Variants in PSEN1 observed in about 807,000 individuals in gnomAD.
PSEN1 encodes the protein presenilin 1, also known as presenilin-1.
PSEN1 carries 15 observed loss-of-function variants against 53.5 expected under a neutral mutation model. The observed-to-expected ratio is 0.28, with a 90% CI of 0.19 to 0.43. The LOEUF is 0.43. PSEN1 is among the 20% of genes least tolerant of loss of function. The pLI, the probability that PSEN1 is intolerant of heterozygous loss-of-function variation, is 1.00. For missense variants in PSEN1, 387 were observed against 571.2 expected (o/e 0.68, Z 3.29); for synonymous variants, 208 against 209.8 (o/e 0.99, Z 0.08).
At position 73,148,043 on chromosome 14, in the gene PSEN1, G is replaced by A. The variant is rs758564824; in HGVS notation, c.24G>A (p.Leu8=). The change falls in exon 3 of 12, where the codon TTG becomes TTA. Residue 8 remains leucine, a synonymous_variant. Transcript: ENST00000324501. ...CAATGACAGAGTTACCTGCACCGTTGTCCTACTTCCAGAATGCACAGATGT... is the reference window on the plus strand; with the variant it reads ...CAATGACAGAGTTACCTGCACCGTTATCCTACTTCCAGAATGCACAGATGT... MTELPAP[L]SYFQNAQMSE... 1.2e-6 allele frequency: 2 copies of A among 1,613,776 alleles called. No homozygotes were observed. The highest frequency in any genetic ancestry group is 1.1e-5 in the South Asian group (1 of 91,074).
intron 3 of PSEN1, among the ~76,000 whole-genome samples, chr14:73,162,288 C>G (rs922684784): frequency 1.3e-5 from 2 of 151,948 alleles, no homozygotes; most frequent in Admixed American, 6.5e-5. Flanking sequence ...CCATATTTCT[C>G]CCATCAGATT....
At chr14:73,212,088 C>CTTTTTTTTTTTTTTTTTTGTTTTTTTTT (rs1899716704) in intron 10 of PSEN1, 146 bp downstream of exon 10, 1 of 66,914 alleles carries the variant, frequency 1.5e-5, no homozygotes. Flanking sequence ...AGTAATAGTG[C>CTTTTTTTTTTTTTTTTTTGTTTTTTTTT]TTTTTTTTTT....
chr14:73,212,088 C>CTTTTTTTTTTTTGTTTTTTT (rs1899716408), intron 10 of PSEN1, 146 bp downstream of exon 10: 1 of 66,914 alleles, frequency 1.5e-5, no homozygotes, highest in African/African-American at 7.4e-5. Flanking sequence ...AGTAATAGTG[C>CTTTTTTTTTTTTGTTTTTTT]TTTTTTTTTT....
At chr14:73,186,273 G>C (rs1291672415) in intron 5 of PSEN1, among the ~76,000 whole-genome samples, 1 of 152,098 alleles carries the variant, frequency 6.6e-6, no homozygotes, top group Non-Finnish European at 1.5e-5. Context: ...CAGCTACTTG[G>C]GGGGCTGAGG....
intron 5 of PSEN1, among the ~76,000 whole-genome samples, chr14:73,175,748 T>C (rs1197762910): frequency 2.0e-5 from 3 of 152,230 alleles, no homozygotes; most frequent in African/African-American, 7.2e-5. Flanking sequence ...AACAGTAATA[T>C]CTGTCTTTAT....
chr14:73,164,093 A>G (rs2096375222), intron 3 of PSEN1, among the ~76,000 whole-genome samples: 1 of 152,166 alleles, frequency 6.6e-6, no homozygotes, highest in African/African-American at 2.4e-5. Flanking sequence ...GATCCAGGAG[A>G]TGTTTTGGAG....
At chr14:73,185,360 T>A (rs1324850695) in intron 5 of PSEN1, among the ~76,000 whole-genome samples, 4 of 152,160 alleles carry the variant, frequency 2.6e-5, no homozygotes, top group Non-Finnish European at 4.4e-5. Context: ...TCCCGGCACC[T>A]CGGGAGGCCG....
rs1265643221 is a variant in PSEN1, at chr14:73,198,038, G to A, written c.777G>A (p.Val259=). 1.3e-6 allele frequency: 2 copies of A among 1,593,332 alleles called. No individual in the cohort carries two copies. The highest frequency in any genetic ancestry group is 2.7e-5 in the African/African-American group (2 of 74,522). The change falls in exon 8 of 12, where the codon GTG becomes GTA. Residue 259 remains valine, a synonymous_variant. Transcript: ENST00000324501. The stretch of plus-strand genomic sequence containing the variant: ...ATGTTTTTCTTTTTCTAGATTTAGT[G>A]GCTGTTTTGTGTCCGAAAGGTCCAC... ...ILAVISVYDL[V]AVLCPKGPLR...
At chr14:73,156,490 A>T (rs75331149) in intron 3 of PSEN1, among the ~76,000 whole-genome samples, 1 of 152,116 alleles carries the variant, frequency 6.6e-6, no homozygotes, top group African/African-American at 2.4e-5. Context: ...TATGAAGGAA[A>T]TGATATATCT....
chr14:73,197,978 C>T, intron 7 of PSEN1, 53 bp from the exon 8 acceptor site: 1 of 995,834 alleles, frequency 1.0e-6, no homozygotes. Context: ...CACCCATTTA[C>T]AAGTTTAGCC....
chr14:73,197,877 C>T, intron 7 of PSEN1, 154 bp from the exon 8 acceptor site: 1 of 614,446 alleles, frequency 1.6e-6, no homozygotes, highest in Non-Finnish European at 2.9e-6. Context: ...CACCAGTTCA[C>T]CTGCCATTTA....
intron 5 of PSEN1, among the ~76,000 whole-genome samples, chr14:73,180,974 T>C (rs1020307876): frequency 6.6e-6 from 1 of 152,248 alleles, no homozygotes; most frequent in East Asian, 1.9e-4. Context: ...TTTTATGATA[T>C]ATTCTAAAGA....
At chr14:73,218,594 G>GCAGCCT (rs766432705) in intron 11 of PSEN1, among the ~76,000 whole-genome samples, 2 of 151,884 alleles carry the variant, frequency 1.3e-5, no homozygotes, top group Non-Finnish European at 2.9e-5. Context: ...TTTAAACACT[G>GCAGCCT]CAGCCTCATC....
At position 73,220,147 on chromosome 14, in the gene PSEN1, A is replaced by G. The variant is rs539692479; in HGVS notation, c.*858A>G. ...ATTCTGAATTTGTAGACATACTTGTACGCTCACTTGCCCCAGATGCCTCCT... is the reference window on the plus strand; with the variant it reads ...ATTCTGAATTTGTAGACATACTTGTGCGCTCACTTGCCCCAGATGCCTCCT... On this transcript the variant is annotated 3_prime_UTR_variant, in exon 12 of 12. Transcript: ENST00000324501. 1 of 152,282 alleles carries G rather than the reference A, an allele frequency of 6.6e-6. No homozygotes were observed. Among genetic ancestry groups the G allele is most frequent in the Non-Finnish European group, 1.5e-5 (1 of 68,074 alleles). 9.4% of individuals were successfully genotyped at this position (152,282 alleles called of 1,614,324 possible).
rs1323995419 is a variant in PSEN1, at chr14:73,221,713, C to T, written c.*2424C>T. ...TACAGCCCATCTTATTTCTTTAAATCATTCATCTCAGGCAGAGAACTTTTC... is the reference window on the plus strand; with the variant it reads ...TACAGCCCATCTTATTTCTTTAAATTATTCATCTCAGGCAGAGAACTTTTC... On this transcript the variant is annotated 3_prime_UTR_variant, in exon 12 of 12. Coordinates refer to ENST00000324501, the MANE Select transcript of PSEN1 (RefSeq NM_000021.4). 2 of 152,064 alleles carry T rather than the reference C, an allele frequency of 1.3e-5. No individual in the cohort carries two copies. Among genetic ancestry groups the T allele is most frequent in the Non-Finnish European group, 2.9e-5 (2 of 68,034 alleles). The allele number at this position is 152,064 out of a possible 1,614,324, so 9.4% of individuals were successfully genotyped here.
Position 73,151,830 on chromosome 14 carries a change from A to G in PSEN1, c.87+3724A>G, listed in dbSNP as rs565216273. Reference sequence around the variant, plus strand: ...GTGATCCACATGTCTTGGCCTCCCAAAGTGCTGGGATTACAGGTGTGAGCT... The same window carrying G: ...GTGATCCACATGTCTTGGCCTCCCAGAGTGCTGGGATTACAGGTGTGAGCT... On this transcript the variant is annotated intron_variant, in intron 3 of 11. Transcript: ENST00000324501. 8.9e-5 allele frequency among the ~76,000 whole-genome samples: 13 copies of G among 146,738 alleles called. No individual in the cohort carries two copies. The East Asian group carries it at 2.4e-3, about 27-fold the overall frequency.
Position 73,176,726 on chromosome 14 carries a change from C to T in PSEN1, c.480+3019C>T, listed in dbSNP as rs1595007105. ...TTACATCTGCCTTGTTTTAATTAAA[C>T]ACTAGTTCTTTGAGGTAACCCCTAC... On this transcript the variant is annotated intron_variant, in intron 5 of 11. Transcript: ENST00000324501. Among the ~76,000 whole-genome samples the T allele has an allele frequency of 2.0e-5, 3 of 152,288 alleles. No homozygotes were observed. The East Asian group carries it at 5.8e-4, about 29-fold the overall frequency.
At position 73,141,725 on chromosome 14, in the gene PSEN1, C is replaced by T. The variant is rs545927835; in HGVS notation, c.-136+5142C>T. Among the ~76,000 whole-genome samples, 4 of 152,122 alleles carry T rather than the reference C, an allele frequency of 2.6e-5. No homozygotes were observed. In the South Asian group the frequency reaches 8.3e-4, roughly 32 times the overall value. On this transcript the variant is annotated intron_variant, in intron 1 of 11. Transcript: ENST00000324501. ...GCTTGAACCCAGGAGGTGGAAGTTG[C>T]AGTGAGCCATGATCGTGGCATTGCA...
chr14:73,218,086 C>CT (rs58637970), intron 11 of PSEN1, among the ~76,000 whole-genome samples: 2,835 of 97,880 alleles, frequency 0.029, 101 homozygotes, highest in African/African-American at 0.065. Flanking sequence ...CCGCACCTGG[C>CT]TTTTTTTTTT....
Sources: allele counts gnomAD v4.1 joint callset (sites outside exome capture counted in the v4.1 genomes callset), GRCh38; gene constraint gnomAD v4.1.1; transcripts MANE v1.5; gene names NCBI Gene and HGNC (gene_info 2026-07-23, HGNC 2026-07-21).